KIF19: variants seen among roughly 807,000 people sequenced by gnomAD.
KIF19 encodes kinesin family member 19.
KIF19 carries 98 observed loss-of-function variants against 106.6 expected under a neutral mutation model. The observed-to-expected ratio is 0.92, with a 90% CI of 0.78 to 1.09. KIF19 has a LOEUF of 1.09. Among genes scored for constraint, KIF19 ranks in the 50% least tolerant of loss-of-function variants. The pLI is 0.00. For synonymous variants in KIF19, 516 were observed against 584.2 expected, an observed-to-expected ratio of 0.88 and a Z score of 1.68; for missense variants, 1,373 against 1,414.3, an observed-to-expected ratio of 0.97 and a Z score of 0.47.
chr17:74,327,853 T>C (rs988999819), intron 1 of KIF19, among the ~76,000 whole-genome samples: 2 of 152,222 alleles, frequency 1.3e-5, no homozygotes, highest in Non-Finnish European at 2.9e-5. Flanking sequence ...GCACAAGACG[T>C]GCTCCCCACT....
In KIF19 at chr17:74,354,186, C is replaced by A. The variant is rs1341961051; in HGVS notation, c.2333C>A (p.Thr778Asn). The change falls in exon 18 of 20, where the codon ACC becomes AAC. Residue 778 changes from threonine (T) to asparagine (N), a missense_variant. This residue lies in a region of KIF19 where 1,020 missense variants were observed against 1,008.2 expected (regional missense o/e 1.01). Transcript: ENST00000389916. ...HKERKEILTG[T>N]KCIWVKAARR... is the part of the protein sequence containing the mutation. ...GAGAGGAAGGAGATCCTGACTGGCA[C>A]CAAGTGCATCTGGGTGAAGGCCGCC... 6.2e-7 allele frequency: 1 copy of A among 1,608,964 alleles called. No individual in the cohort carries two copies. Among genetic ancestry groups the A allele is most frequent in the African/African-American group, 1.3e-5 (1 of 74,920 alleles).
At chr17:74,343,249 GC>G in intron 5 of KIF19, 89 bp downstream of exon 5, 1 of 1,347,698 alleles carries the variant, frequency 7.4e-7, no homozygotes, top group Non-Finnish European at 1.0e-6. Context: ...CATCACTGCT[GC>G]CCTCCTGCAT....
At position 74,331,722 on chromosome 17, in the gene KIF19, G is replaced by A. The variant is rs899959338; in HGVS notation, c.120+3217G>A. ...CTCCCATGTAGCTGGGATTACGGGCGCGCGCCACCGTGCCCAGCTAATTTT... is the reference window on the plus strand; with the variant it reads ...CTCCCATGTAGCTGGGATTACGGGCACGCGCCACCGTGCCCAGCTAATTTT... On this transcript the variant is annotated intron_variant, in intron 2 of 19. Transcript: ENST00000389916. The surrounding 1 kb of genome is among the most constrained non-coding windows in gnomAD (Gnocchi z 4.1). 9.9e-5 allele frequency among the ~76,000 whole-genome samples: 15 copies of A among 151,966 alleles called. No homozygotes were observed. The highest frequency in any genetic ancestry group is 2.2e-4 in the African/African-American group (9 of 41,350).
In KIF19 at chr17:74,341,403, C is replaced by T. The variant is rs8078630; in HGVS notation, c.121-473C>T. On this transcript the variant is annotated intron_variant, in intron 2 of 19. Transcript: ENST00000389916. The stretch of plus-strand genomic sequence containing the variant: ...AAAATGAGCCCTGACAGATGCTGCC[C>T]GTTCTTCTGTTGCACCTCTCTGGCA... 7.2e-3 allele frequency among the ~76,000 whole-genome samples: 1,092 copies of T among 152,296 alleles called. 12 individuals are homozygous for T. The highest frequency in any genetic ancestry group is 0.024 in the African/African-American group (1,007 of 41,546).
intron 2 of KIF19, 36 bp from the exon 3 acceptor site, chr17:74,341,840 C>A: frequency 6.7e-7 from 1 of 1,502,774 alleles, no homozygotes; most frequent in East Asian, 2.3e-5. Context: ...CCGGGGTTCC[C>A]AGGTGACCGT....
chr17:74,346,250 G>T lies in KIF19; in HGVS notation c.778-128G>T. 1.9e-6 allele frequency: 2 copies of T among 1,050,892 alleles called. No individual in the cohort carries two copies. The highest frequency in any genetic ancestry group is 2.7e-6 in the Non-Finnish European group (2 of 735,190). 65.1% of individuals were successfully genotyped at this position (1,050,892 alleles called of 1,614,324 possible). ...AATGCCCTCAGTGGCCTTGGCAGGA[G>T]GACGGCCACAAGGTCCTTGGGGGTT... On this transcript the variant is annotated intron_variant, in intron 7 of 19. Coordinates refer to ENST00000389916, the MANE Select transcript of KIF19 (RefSeq NM_153209.4). The surrounding 1 kb of genome is among the most constrained non-coding windows in gnomAD (Gnocchi z 4.6).
At chr17:74,347,601 G>C (rs542195146) in intron 8 of KIF19, among the ~76,000 whole-genome samples, 176 bp from the exon 9 acceptor site, 1 of 151,646 alleles carries the variant, frequency 6.6e-6, no homozygotes, top group African/African-American at 2.4e-5. Flanking sequence ...GCTGGTAATT[G>C]CTGGAGCAGG....
In KIF19 at chr17:74,342,901, C is replaced by A. The variant is rs534750830; in HGVS notation, c.320-123C>A. The A allele has an allele frequency of 4.7e-5, 61 of 1,296,390 alleles. No homozygotes were observed. The African/African-American group carries it at 8.8e-4, about 19-fold the overall frequency. The allele number at this position is 1,296,390 out of a possible 1,614,324, so 80.3% of individuals were successfully genotyped here. On this transcript the variant is annotated intron_variant, in intron 4 of 19. Coordinates refer to ENST00000389916, the MANE Select transcript of KIF19 (RefSeq NM_153209.4). ...GGGCATCATCCTCCCCACTCCCCAC[C>A]ACCTCCCTGGCCCTCTGAGAGGGCC... is the stretch of plus-strand genomic sequence containing the variant.
At chr17:74,327,627 C>G (rs533246643) in intron 1 of KIF19, among the ~76,000 whole-genome samples, 1 of 152,338 alleles carries the variant, frequency 6.6e-6, no homozygotes, top group Admixed American at 6.5e-5. Flanking sequence ...CATGCACCAC[C>G]ACGCCCAGCT....
In KIF19 at chr17:74,350,885, A is replaced by G; in HGVS notation, c.1567A>G (p.Lys523Glu). Residue 523 changes from lysine (K) to glutamate (E), a missense_variant, in exon 12 of 20, where the codon AAG (lysine) becomes GAG (glutamate). Physicochemically the swap from Lys to Glu is moderately conservative, Grantham distance 56 (BLOSUM62 1). This residue lies in a region of KIF19 where 1,020 missense variants were observed against 1,008.2 expected (regional missense o/e 1.01). Coordinates refer to ENST00000389916, the MANE Select transcript of KIF19 (RefSeq NM_153209.4). ...CATTGCAGCCCTGGTGGACGAGCAG[A>G]AGCAACTGCGCAAGCAGAAGGTGTC... ...ESIAALVDEQKQLRKQKLALE... is the reference protein window; with the variant it reads ...ESIAALVDEQEQLRKQKLALE... 6.2e-7 allele frequency: 1 copy of G among 1,613,854 alleles called. No individual in the cohort carries two copies. Among genetic ancestry groups the G allele is most frequent in the Non-Finnish European group, 8.5e-7 (1 of 1,179,888 alleles).
At chr17:74,349,162 G>A (rs759283226) in intron 9 of KIF19, 22 bp from the exon 10 acceptor site, 31 of 1,613,258 alleles carry the variant, frequency 1.9e-5, no homozygotes, top group East Asian at 8.9e-5. Context: ...CATCCCCTCC[G>A]CTCCATACGT....
chr17:74,330,639 CCT>C (rs1339693965), intron 2 of KIF19, among the ~76,000 whole-genome samples: 1 of 152,228 alleles, frequency 6.6e-6, no homozygotes, highest in East Asian at 1.9e-4. Flanking sequence ...GGGAACGCTC[CCT>C]GTCAAGGGGA....
intron 4 of KIF19, 43 bp from the exon 5 acceptor site, chr17:74,342,981 T>TAC: frequency 2.7e-6 from 2 of 747,566 alleles, no homozygotes; most frequent in Non-Finnish European, 4.2e-6. Context: ...AAGGCCTCCC[T>TAC]CCCAGCCCCA....
In KIF19 at chr17:74,354,866, G is replaced by A. The variant is rs780068476; in HGVS notation, c.2791G>A (p.Ala931Thr). The A allele has an allele frequency of 3.8e-5, 60 of 1,565,870 alleles. No individual in the cohort carries two copies. In the East Asian group the frequency reaches 1.1e-3, roughly 29 times the overall value. The change falls in exon 19 of 20, where the codon GCC becomes ACC. Residue 931 changes from alanine (A) to threonine (T), a missense_variant. By Grantham distance (58) the Ala-to-Thr change is moderately conservative (BLOSUM62 0). This residue lies in a region of KIF19 where 1,020 missense variants were observed against 1,008.2 expected (regional missense o/e 1.01). Coordinates refer to ENST00000389916, the MANE Select transcript of KIF19 (RefSeq NM_153209.4). ...CAGGATGCCAGTGTGCAGGCACCCA[G>A]CCCCTGGTATCCGGCATCTGGGAAA... ...DHRMPVCRHP[A>T]PGIRHLGKVT...
intron 2 of KIF19, among the ~76,000 whole-genome samples, chr17:74,333,361 A>ATTTTTT (rs35232394): frequency 7.7e-6 from 1 of 129,462 alleles, no homozygotes; most frequent in Non-Finnish European, 1.6e-5. Context: ...TGTGGTCCTA[A>ATTTTTT]TTTTTTTTTT....
rs571799887 is a variant in KIF19, at chr17:74,354,428, G to T, written c.2575G>T (p.Gly859Ter). 2.5e-6 allele frequency: 4 copies of T among 1,610,604 alleles called. No individual in the cohort carries two copies. The highest frequency in any genetic ancestry group is 2.2e-5 in the East Asian group (1 of 44,824). Reference sequence around the variant, plus strand: ...GGGCGAGGCCCCGTCCCGGGCAGTCGGACATCATGGGGACGGCCCCAGGCC... The same window carrying T: ...GGGCGAGGCCCCGTCCCGGGCAGTCTGACATCATGGGGACGGCCCCAGGCC... ...STGEAPSRAV[G>*]HHGDGPRPWL... is the part of the protein sequence containing the mutation. The change falls in exon 18 of 20, where the codon GGA (glycine) becomes TGA (stop). Residue 859 changes from glycine (G) to a stop codon, truncating the protein, a stop_gained. Coordinates refer to ENST00000389916, the MANE Select transcript of KIF19 (RefSeq NM_153209.4). LOFTEE classifies it high-confidence loss of function.
intron 11 of KIF19, 25 bp downstream of exon 11, chr17:74,350,600 C>T (rs777952326): frequency 1.2e-6 from 2 of 1,611,106 alleles, no homozygotes; most frequent in South Asian, 2.2e-5. Context: ...CAGGACCCTC[C>T]AGGCCCCACC....
At chr17:74,353,386 C>A in intron 16 of KIF19, 85 bp downstream of exon 16, 1 of 1,440,774 alleles carries the variant, frequency 6.9e-7, no homozygotes, top group South Asian at 1.2e-5. Context: ...TTGGGATGGA[C>A]CCTTTCCCAA....
chr17:74,352,386 G>A (rs1188612245), intron 14 of KIF19, 46 bp downstream of exon 14: 2 of 1,567,458 alleles, frequency 1.3e-6, no homozygotes, highest in Non-Finnish European at 1.7e-6. Flanking sequence ...ATGTGCCCAG[G>A]GAGGGGCTGA....
Sources: allele counts gnomAD v4.1 joint callset (sites outside exome capture counted in the v4.1 genomes callset), GRCh38; gene constraint gnomAD v4.1.1; regional missense constraint gnomAD v4.1.1; non-coding constraint Gnocchi (gnomAD v3.1); transcripts MANE v1.5; gene names NCBI Gene and HGNC (gene_info 2026-07-23, HGNC 2026-07-21).